The following ACER3 variants were observed in gnomAD, a reference collection of about 807,000 sequenced individuals.
ACER3 encodes the protein alkCDase 3.
In ACER3, 16 loss-of-function variants were observed where a neutral mutation model predicts 48.9. The observed-to-expected ratio is 0.33, with a 90% CI of 0.22 to 0.50. The LOEUF is 0.50. ACER3 is among the 20% of genes least tolerant of loss of function. ACER3 has a pLI of 0.98. For synonymous variants in ACER3, 109 were observed against 107.8 expected (o/e 1.01, Z -0.07); for missense variants, 227 against 326.0 (o/e 0.70, Z 2.34).
chr11:76,923,150 A>T lies in ACER3; in HGVS notation c.104-3407A>T, dbSNP rs553118082. On this transcript the variant is annotated intron_variant, in intron 1 of 10. Transcript: ENST00000532485. Reference sequence around the variant, plus strand: ...AATTCTACTCCCCAGAAGCAAAATTAAAAAAAAAAACAAACCCAGCTTGAT... The same window carrying T: ...AATTCTACTCCCCAGAAGCAAAATTTAAAAAAAAAACAAACCCAGCTTGAT... 2.5e-3 allele frequency among the ~76,000 whole-genome samples: 85 copies of T among 33,418 alleles called. No homozygotes were observed. The Middle Eastern group carries it at 0.058, about 23-fold the overall frequency. 21.9% of individuals were successfully genotyped at this position (33,418 alleles called of 152,430 possible).
At chr11:76,992,879 T>C (rs1358386678) in intron 6 of ACER3, among the ~76,000 whole-genome samples, 3 of 152,090 alleles carry the variant, frequency 2.0e-5, no homozygotes, top group African/African-American at 7.2e-5. Context: ...CCCACCTTTT[T>C]TTTTTTTGAA....
intron 6 of ACER3, among the ~76,000 whole-genome samples, chr11:76,993,993 T>C (rs1364534143): frequency 6.6e-6 from 1 of 152,204 alleles, no homozygotes; most frequent in Non-Finnish European, 1.5e-5. Flanking sequence ...TTGGTAACTC[T>C]TGCACATGAA....
At chr11:77,010,068 G>T (rs1236287985) in intron 7 of ACER3, among the ~76,000 whole-genome samples, 2 of 152,022 alleles carry the variant, frequency 1.3e-5, no homozygotes, top group Non-Finnish European at 2.9e-5. Flanking sequence ...AACTGACAAG[G>T]CAACTTGTCT....
At chr11:76,981,532 G>A (rs1057312389) in intron 4 of ACER3, among the ~76,000 whole-genome samples, 2 of 152,180 alleles carry the variant, frequency 1.3e-5, no homozygotes, top group African/African-American at 4.8e-5. Flanking sequence ...CTGACCCATT[G>A]CAGTTAATAC....
chr11:76,902,768 C>G (rs1337313298), intron 1 of ACER3, among the ~76,000 whole-genome samples: 5 of 152,154 alleles, frequency 3.3e-5, no homozygotes, highest in Non-Finnish European at 5.9e-5. Context: ...GAACTGCTCA[C>G]AGGGAGATGA....
chr11:76,894,651 T>A (rs1945886295), intron 1 of ACER3, among the ~76,000 whole-genome samples: 1 of 152,198 alleles, frequency 6.6e-6, no homozygotes, highest in African/African-American at 2.4e-5. Context: ...AATGTAGAAG[T>A]TTTTGACAAG....
intron 7 of ACER3, among the ~76,000 whole-genome samples, chr11:77,012,817 G>A (rs1215214782): frequency 6.6e-6 from 1 of 152,168 alleles, no homozygotes; most frequent in African/African-American, 2.4e-5. Flanking sequence ...GCATGCAAAA[G>A]ACTGCGAATA....
chr11:76,901,296 C>T (rs1009437927), intron 1 of ACER3, among the ~76,000 whole-genome samples: 2 of 151,584 alleles, frequency 1.3e-5, no homozygotes, highest in Non-Finnish European at 2.9e-5. Flanking sequence ...TTTTAAAAGG[C>T]AGTTCCTTAC....
intron 1 of ACER3, among the ~76,000 whole-genome samples, chr11:76,899,116 T>C (rs1334660343): frequency 6.6e-6 from 1 of 152,122 alleles, no homozygotes; most frequent in African/African-American, 2.4e-5. Flanking sequence ...TTAAAGAATA[T>C]ACAGATTTCT....
At chr11:76,873,608 T>G (rs1489239603) in intron 1 of ACER3, among the ~76,000 whole-genome samples, 1 of 152,196 alleles carries the variant, frequency 6.6e-6, no homozygotes, top group African/African-American at 2.4e-5. Flanking sequence ...TAGTCTCAAG[T>G]CTGTAGTTAG....
chr11:76,945,804 A>G (rs1051681391), intron 2 of ACER3, among the ~76,000 whole-genome samples: 3 of 152,300 alleles, frequency 2.0e-5, no homozygotes, highest in Admixed American at 2.0e-4. Flanking sequence ...TAGTGGAGCA[A>G]TCCACTGGGA....
chr11:76,926,169 AT>A (rs1565180487), intron 1 of ACER3, among the ~76,000 whole-genome samples: 1 of 152,210 alleles, frequency 6.6e-6, no homozygotes, highest in African/African-American at 2.4e-5. Flanking sequence ...AATTAAGCCA[AT>A]CCTGTATTCA....
At chr11:76,966,527 C>T (rs1198333559) in intron 3 of ACER3, among the ~76,000 whole-genome samples, 13 of 151,056 alleles carry the variant, frequency 8.6e-5, no homozygotes, top group Non-Finnish European at 1.8e-4. Flanking sequence ...CACCACACCA[C>T]CCCTATTCCA....
At chr11:76,950,941 C>T (rs1216239109) in intron 2 of ACER3, among the ~76,000 whole-genome samples, 3 of 152,114 alleles carry the variant, frequency 2.0e-5, no homozygotes, top group Admixed American at 2.0e-4. Flanking sequence ...CATTTTTCTT[C>T]CCATCTAATG....
At chr11:76,935,271 T>C (rs140773662) in intron 2 of ACER3, among the ~76,000 whole-genome samples, 1 of 152,214 alleles carries the variant, frequency 6.6e-6, no homozygotes, top group East Asian at 1.9e-4. Flanking sequence ...CCAACGTGCA[T>C]ATAATTGGAG....
chr11:77,017,177 T>C (rs1367737484), intron 9 of ACER3, among the ~76,000 whole-genome samples: 3 of 151,814 alleles, frequency 2.0e-5, no homozygotes, highest in Non-Finnish European at 4.4e-5. Context: ...TAGAAAAATT[T>C]TTAAAAATCT....
intron 2 of ACER3, among the ~76,000 whole-genome samples, chr11:76,943,901 A>G (rs1590968321): frequency 7.9e-6 from 1 of 126,454 alleles, no homozygotes; most frequent in Non-Finnish European, 1.7e-5. Flanking sequence ...TCATTATATA[A>G]TGACCTTTGT....
At chr11:76,934,143 A>G (rs1947103770) in intron 2 of ACER3, among the ~76,000 whole-genome samples, 1 of 151,594 alleles carries the variant, frequency 6.6e-6, no homozygotes. Flanking sequence ...GGCCGGGCAG[A>G]GACGCTCCTC....
chr11:76,979,757 T>G (rs921500442), intron 4 of ACER3, among the ~76,000 whole-genome samples: 6 of 152,126 alleles, frequency 3.9e-5, no homozygotes, highest in Admixed American at 2.6e-4. Flanking sequence ...GTTGCAGCTC[T>G]TCAACTCTGC....
Sources: allele counts gnomAD v4.1 joint callset (sites outside exome capture counted in the v4.1 genomes callset), GRCh38; gene constraint gnomAD v4.1.1; transcripts MANE v1.5; gene names NCBI Gene and HGNC (gene_info 2026-07-23, HGNC 2026-07-21).